Variants in KLHL1 observed in about 807,000 individuals in gnomAD.
KLHL1 encodes the protein kelch like family member 1.
KLHL1 carries 47 observed loss-of-function variants against 77.7 expected under a neutral mutation model. That is an observed-to-expected ratio of 0.60 (90% CI 0.48 to 0.77). KLHL1 has a LOEUF of 0.77. Ranked by LOEUF, KLHL1 falls within the 30% of genes least tolerant of loss-of-function variation. The pLI is 0.00. For missense variants in KLHL1, 925 were observed against 910.8 expected (o/e 1.02, Z -0.20); for synonymous variants, 360 against 325.2 (o/e 1.11, Z -1.15).
intron 8 of KLHL1, among the ~76,000 whole-genome samples, chr13:69,721,079 A>ATATACAAATTCCTTGT (rs1555300737): frequency 2.5e-4 from 17 of 67,632 alleles, no homozygotes; most frequent in Non-Finnish European, 3.9e-4. Context: ...ATATATATAT[A>ATATACAAATTCCTTGT]AAGCTATGTA....
intron 2 of KLHL1, among the ~76,000 whole-genome samples, chr13:69,971,237 T>C (rs1250764490): frequency 6.6e-6 from 1 of 152,068 alleles, no homozygotes; most frequent in Non-Finnish European, 1.5e-5. Flanking sequence ...ACAAAATGAT[T>C]TGTAAATGCA....
At chr13:69,983,452 T>C (rs1340533016) in intron 1 of KLHL1, among the ~76,000 whole-genome samples, 1 of 151,714 alleles carries the variant, frequency 6.6e-6, no homozygotes, top group Non-Finnish European at 1.5e-5. Context: ...GACTTTAAAA[T>C]ATACTGTGCT....
chr13:70,044,277 T>A (rs757163506), intron 1 of KLHL1, among the ~76,000 whole-genome samples: 2 of 152,208 alleles, frequency 1.3e-5, no homozygotes, highest in Non-Finnish European at 2.9e-5. Context: ...ACTTTCTCAG[T>A]AATTGACATT....
rs904177889 is a variant in KLHL1 at position 70,073,731 on chromosome 13, C to T, written c.497+33472G>A. Reference sequence around the variant, plus strand: ...GCTAGAGGCTGCGGTGAGCCATGATCGTGCCACTGCACTTTAGCTTGGGTG... The same window carrying T: ...GCTAGAGGCTGCGGTGAGCCATGATTGTGCCACTGCACTTTAGCTTGGGTG... On this transcript the variant is annotated intron_variant, in intron 1 of 10. Coordinates refer to ENST00000377844, the MANE Select transcript of KLHL1 (RefSeq NM_020866.3). 3.5e-4 allele frequency among the ~76,000 whole-genome samples: 53 copies of T among 151,994 alleles called. 1 individual carries two copies. Among genetic ancestry groups the T allele is most frequent in the African/African-American group, 1.2e-3 (48 of 41,424 alleles).
intron 6 of KLHL1, among the ~76,000 whole-genome samples, chr13:69,801,614 T>G (rs1007052512): frequency 6.6e-6 from 1 of 152,092 alleles, no homozygotes; most frequent in African/African-American, 2.4e-5. Context: ...CTTAACCTGA[T>G]GTAGTTACAT....
intron 10 of KLHL1, among the ~76,000 whole-genome samples, chr13:69,705,210 G>A (rs528449799): frequency 1.7e-4 from 25 of 147,286 alleles, no homozygotes; most frequent in South Asian, 6.2e-4. Context: ...CTTGAAGCAC[G>A]TGCATTATTT....
chr13:70,035,111 T>G (rs951116968), intron 1 of KLHL1, among the ~76,000 whole-genome samples: 2 of 152,170 alleles, frequency 1.3e-5, no homozygotes, highest in African/African-American at 2.4e-5. Context: ...AGGATCATTA[T>G]TGGTAACTTT....
At chr13:70,044,811 T>C (rs1593699580) in intron 1 of KLHL1, among the ~76,000 whole-genome samples, 2 of 152,328 alleles carry the variant, frequency 1.3e-5, no homozygotes, top group East Asian at 1.9e-4. Context: ...GAAATGTTCC[T>C]GCATCCTTGG....
At chr13:69,844,429 C>G (rs990150121) in intron 5 of KLHL1, among the ~76,000 whole-genome samples, 1 of 151,560 alleles carries the variant, frequency 6.6e-6, no homozygotes, top group Non-Finnish European at 1.5e-5. Flanking sequence ...CCACTGTAAC[C>G]TATTGTTGTA....
At chr13:69,823,781 A>G (rs1878436387) in intron 6 of KLHL1, among the ~76,000 whole-genome samples, 1 of 152,060 alleles carries the variant, frequency 6.6e-6, no homozygotes, top group African/African-American at 2.4e-5. Context: ...TACTCCAGAG[A>G]AACTGAGCTT....
chr13:70,076,287 A>G (rs982554920), intron 1 of KLHL1, among the ~76,000 whole-genome samples: 3 of 151,898 alleles, frequency 2.0e-5, no homozygotes, highest in African/African-American at 7.3e-5. Context: ...TAACAAACAT[A>G]TGGATCAATG....
chr13:69,962,497 CATTTTGTGTTTTTTTCT>C (rs1291309206), intron 2 of KLHL1, among the ~76,000 whole-genome samples: 2 of 151,942 alleles, frequency 1.3e-5, no homozygotes, highest in Non-Finnish European at 2.9e-5. Flanking sequence ...GTCACAGAGG[CATTTTGTGTTTTTTTCT>C]ATATTAAGAG....
At chr13:69,859,582 G>A (rs1880056653) in intron 5 of KLHL1, among the ~76,000 whole-genome samples, 1 of 152,000 alleles carries the variant, frequency 6.6e-6, no homozygotes, top group South Asian at 2.1e-4. Context: ...CCCTGTGAAT[G>A]AATTATTACA....
chr13:70,054,290 A>T (rs1286217856), intron 1 of KLHL1, among the ~76,000 whole-genome samples: 1 of 152,086 alleles, frequency 6.6e-6, no homozygotes, highest in Non-Finnish European at 1.5e-5. Flanking sequence ...AAATAATACA[A>T]ATCGAATTTT....
intron 6 of KLHL1, among the ~76,000 whole-genome samples, chr13:69,824,304 G>C (rs756422165): frequency 6.6e-6 from 1 of 151,982 alleles, no homozygotes; most frequent in Non-Finnish European, 1.5e-5. Context: ...TTAATAAATA[G>C]CCATAATGAA....
chr13:69,728,947 A>C (rs1873422277), intron 8 of KLHL1, among the ~76,000 whole-genome samples: 2 of 152,266 alleles, frequency 1.3e-5, no homozygotes, highest in South Asian at 4.1e-4. Flanking sequence ...ATTAAAATTC[A>C]AGCCTACTTA....
chr13:69,922,996 T>A (rs1490189712), intron 4 of KLHL1, among the ~76,000 whole-genome samples: 1 of 152,156 alleles, frequency 6.6e-6, no homozygotes, highest in African/African-American at 2.4e-5. Context: ...AATTTCAATA[T>A]TACATAATGA....
chr13:69,750,696 A>G (rs1291528840), intron 7 of KLHL1, among the ~76,000 whole-genome samples: 1 of 152,024 alleles, frequency 6.6e-6, no homozygotes, highest in Non-Finnish European at 1.5e-5. Flanking sequence ...GGCCTAACAC[A>G]ATGTAGTGTT....
chr13:69,889,028 A>G (rs1881326827), intron 4 of KLHL1, among the ~76,000 whole-genome samples: 1 of 151,150 alleles, frequency 6.6e-6, no homozygotes, highest in South Asian at 2.1e-4. Flanking sequence ...AAGGCTGCAT[A>G]TATGTTGCAT....
Sources: gnomAD v4.1 joint callset for allele counts (sites outside exome capture counted in the v4.1 genomes callset) on GRCh38, gnomAD v4.1.1 for gene constraint, MANE v1.5 for transcripts, NCBI Gene and HGNC (gene_info 2026-07-23, HGNC 2026-07-21) for gene names.